Variants in GPHN observed in about 807,000 individuals in gnomAD.
GPHN encodes gephyrin.
A neutral mutation model predicts 95.5 loss-of-function variants in GPHN; 17 were observed. The ratio of observed to expected loss-of-function variants is 0.18; its 90% CI spans 0.12 to 0.27. GPHN has a LOEUF of 0.27. GPHN is among the 10% of genes least tolerant of loss of function. GPHN has a pLI of 1.00. For missense variants in GPHN, 660 were observed against 978.1 expected (o/e 0.67, Z 4.34); for synonymous variants, 320 against 322.5 (o/e 0.99, Z 0.08).
the GPHN span, among the ~76,000 whole-genome samples, chr14:67,190,523 TG>T: frequency 6.6e-6 from 1 of 152,180 alleles, no homozygotes; most frequent in African/African-American, 2.4e-5. Context: ...GTGCCCGGCC[TG>T]TTTTGAAATT....
At chr14:67,134,946 C>CTTTTTTT (rs1191759117) in intron 17 of GPHN, among the ~76,000 whole-genome samples, 1 of 59,160 alleles carries the variant, frequency 1.7e-5, no homozygotes, top group Non-Finnish European at 3.6e-5. Flanking sequence ...CTCTTTCTTT[C>CTTTTTTT]TTTCTTCTTT....
chr14:67,054,037 CT>C (rs2075435817), intron 10 of GPHN, among the ~76,000 whole-genome samples: 1 of 152,126 alleles, frequency 6.6e-6, no homozygotes. Context: ...AAGCATTCCC[CT>C]TGAAAATCAG....
chr14:67,439,542 T>TTTCTTTC, the GPHN span, among the ~76,000 whole-genome samples: 91 of 54,062 alleles, frequency 1.7e-3, 1 homozygote, highest in Admixed American at 6.6e-3. Flanking sequence ...AGTTTCTTTC[T>TTTCTTTC]TTCTTTCTTT....
intron 18 of GPHN, among the ~76,000 whole-genome samples, chr14:67,153,792 A>G (rs1022248659): frequency 6.6e-6 from 1 of 152,094 alleles, no homozygotes; most frequent in Admixed American, 6.6e-5. Context: ...TCCTTCATCC[A>G]TTCATTTTTC....
In GPHN at chr14:67,177,996, C is replaced by T. The variant is rs552556164; in HGVS notation, c.2080-1582C>T. 4.2e-3 allele frequency among the ~76,000 whole-genome samples: 632 copies of T among 152,200 alleles called. 5 individuals carry two copies. The highest frequency in any genetic ancestry group is 0.014 in the African/African-American group (570 of 41,540). ...GATGGGTCTCCTGAATACAGCACACCGATGGGTCTTGACTGTCCAATTTGC... is the reference window on the plus strand; with the variant it reads ...GATGGGTCTCCTGAATACAGCACACTGATGGGTCTTGACTGTCCAATTTGC... On this transcript the variant is annotated intron_variant, in intron 21 of 22. Transcript: ENST00000478722.
chr14:67,225,044 CT>C, the GPHN span: 32 of 1,390,400 alleles, frequency 2.3e-5, no homozygotes, highest in East Asian at 5.2e-5. Flanking sequence ...CTGCTTTTGG[CT>C]TTTTTTCTTT....
chr14:67,221,761 T>C, the GPHN span: 2 of 1,612,868 alleles, frequency 1.2e-6, no homozygotes, highest in Non-Finnish European at 1.7e-6. Flanking sequence ...TTTTGAGATG[T>C]GCTATTTATT....
the GPHN span, chr14:67,571,632 C>A: frequency 1.1e-6 from 1 of 933,676 alleles, no homozygotes. Flanking sequence ...GTTGTCTGTT[C>A]AGAGTCCCGG....
At chr14:66,888,214 C>T (rs937933594) in intron 5 of GPHN, among the ~76,000 whole-genome samples, 106 of 152,138 alleles carry the variant, frequency 7.0e-4, no homozygotes, top group African/African-American at 2.5e-3. Context: ...CCGAGAATTT[C>T]CCCAAATTAA....
chr14:66,599,875 TAAA>T (rs1362409826), intron 1 of GPHN, among the ~76,000 whole-genome samples: 1 of 152,026 alleles, frequency 6.6e-6, no homozygotes, highest in Non-Finnish European at 1.5e-5. Context: ...GTATTCAGGC[TAAA>T]AAATACCTCT....
At chr14:67,661,005 C>T in the GPHN span, among the ~76,000 whole-genome samples, 1 of 152,060 alleles carries the variant, frequency 6.6e-6, no homozygotes, top group Non-Finnish European at 1.5e-5. Flanking sequence ...AAAACAGATG[C>T]AAAACAGAGA....
At chr14:67,587,041 T>C in the GPHN span, 2 of 1,551,676 alleles carry the variant, frequency 1.3e-6, no homozygotes, top group Non-Finnish European at 1.8e-6. Flanking sequence ...CCAAGGCTAG[T>C]TCAATTCCTT....
chr14:66,814,106 T>C lies in GPHN; in HGVS notation c.202-10368T>C, dbSNP rs116990745. Reference sequence around the variant, plus strand: ...CAGGAACGCAGTCTGCCCTCCTCCCTTGCTGACCACCATTGCAGACACCCT... The same window carrying C: ...CAGGAACGCAGTCTGCCCTCCTCCCCTGCTGACCACCATTGCAGACACCCT... On this transcript the variant is annotated intron_variant, in intron 3 of 22. Transcript: ENST00000478722. Among the ~76,000 whole-genome samples, 40 of 152,282 alleles carry C rather than the reference T, an allele frequency of 2.6e-4. No homozygotes were observed. In the East Asian group the frequency reaches 7.5e-3, roughly 29 times the overall value.
At chr14:66,540,031 A>G (rs1178264582) in intron 1 of GPHN, among the ~76,000 whole-genome samples, 3 of 152,234 alleles carry the variant, frequency 2.0e-5, no homozygotes, top group Admixed American at 6.5e-5. Flanking sequence ...TACACAATGT[A>G]TTGTGTACTT....
chr14:67,338,099 C>T, the GPHN span: 1 of 152,632 alleles, frequency 6.6e-6, no homozygotes, highest in Admixed American at 6.5e-5. Context: ...ACTGTTTATA[C>T]CACAGTCGCA....
chr14:66,541,663 G>A (rs1051952389), intron 1 of GPHN, among the ~76,000 whole-genome samples: 8 of 152,190 alleles, frequency 5.3e-5, no homozygotes, highest in African/African-American at 1.9e-4. Context: ...AGTATCATTT[G>A]GAAGTTTGGA....
At chr14:67,720,143 C>T in the GPHN span, among the ~76,000 whole-genome samples, 1 of 152,186 alleles carries the variant, frequency 6.6e-6, no homozygotes, top group African/African-American at 2.4e-5. Context: ...AAGTGGCTCC[C>T]AGTATAATTT....
At chr14:67,241,486 G>T in the GPHN span, 3 of 153,802 alleles carry the variant, frequency 2.0e-5, no homozygotes, top group Non-Finnish European at 2.9e-5. Context: ...CTTCTGCAGT[G>T]CGTAGGAGCG....
the GPHN span, chr14:67,470,527 C>A: frequency 6.6e-6 from 1 of 152,628 alleles, no homozygotes; most frequent in African/African-American, 2.4e-5. Context: ...GGGCCTCTAA[C>A]CTGTCTGCAT....
Sources: gnomAD v4.1 joint callset for allele counts (sites outside exome capture counted in the v4.1 genomes callset) on GRCh38, gnomAD v4.1.1 for gene constraint, MANE v1.5 for transcripts, NCBI Gene and HGNC (gene_info 2026-07-23, HGNC 2026-07-21) for gene names.